AFF3: variants seen among roughly 807,000 people sequenced by gnomAD.
The protein encoded by AFF3 is ALF transcription elongation factor 3.
In AFF3, 32 loss-of-function variants were observed where a neutral mutation model predicts 129.7. The ratio of observed to expected loss-of-function variants is 0.25; its 90% CI spans 0.19 to 0.33. The LOEUF is 0.33. AFF3 is among the 10% of genes least tolerant of loss of function. AFF3 has a pLI of 1.00. For synonymous variants in AFF3, 644 were observed against 635.4 expected, an observed-to-expected ratio of 1.01 and a Z score of -0.20; for missense variants, 1,373 against 1,592.0, an observed-to-expected ratio of 0.86 and a Z score of 2.34.
chr2:100,007,550 AG>A, intron 5 of AFF3, 90 bp from the exon 6 acceptor site: 1 of 1,227,990 alleles, frequency 8.1e-7, no homozygotes, highest in Non-Finnish European at 1.1e-6. Context: ...TCACAGAGCC[AG>A]GGTTGTCACA....
At chr2:99,986,011 T>A (rs1679826370) in intron 7 of AFF3, among the ~76,000 whole-genome samples, 1 of 151,836 alleles carries the variant, frequency 6.6e-6, no homozygotes, top group African/African-American at 2.4e-5. Flanking sequence ...CCATCCTGGC[T>A]AACATGGTGA....
intron 9 of AFF3, among the ~76,000 whole-genome samples, chr2:99,746,230 T>C (rs531701629): frequency 1.1e-4 from 17 of 151,914 alleles, no homozygotes; most frequent in Non-Finnish European, 2.4e-4. Context: ...CCTTTAAAAT[T>C]TTGGCACATG....
chr2:99,696,030 T>C (rs1372427521), intron 11 of AFF3, among the ~76,000 whole-genome samples: 1 of 146,710 alleles, frequency 6.8e-6, no homozygotes, highest in Admixed American at 6.8e-5. Context: ...GCTCTTTAAC[T>C]GAACATTAGT....
chr2:99,625,540 A>T (rs574985986), intron 13 of AFF3, among the ~76,000 whole-genome samples: 1 of 152,316 alleles, frequency 6.6e-6, no homozygotes, highest in African/African-American at 2.4e-5. Context: ...AAACAGCATC[A>T]ACATTAAACC....
At chr2:99,810,231 T>C (rs1686682474) in intron 8 of AFF3, among the ~76,000 whole-genome samples, 1 of 152,212 alleles carries the variant, frequency 6.6e-6, no homozygotes, top group African/African-American at 2.4e-5. Context: ...GCTGTGGTTA[T>C]GGAAAGGGCA....
At chr2:99,679,449 G>A (rs1273398584) in intron 11 of AFF3, among the ~76,000 whole-genome samples, 3 of 152,048 alleles carry the variant, frequency 2.0e-5, no homozygotes, top group Non-Finnish European at 4.4e-5. Flanking sequence ...CCTGGGGGAC[G>A]GCATCTCATC....
At chr2:99,829,915 T>C (rs1688385981) in intron 8 of AFF3, among the ~76,000 whole-genome samples, 1 of 152,094 alleles carries the variant, frequency 6.6e-6, no homozygotes, top group Non-Finnish European at 1.5e-5. Context: ...ATAAAGAAAA[T>C]GTGGCATATA....
chr2:99,659,141 C>T (rs1039269725), intron 12 of AFF3, among the ~76,000 whole-genome samples: 1 of 152,326 alleles, frequency 6.6e-6, no homozygotes, highest in African/African-American at 2.4e-5. Context: ...GAGCGAACAT[C>T]GCTGAAGATT....
At chr2:100,086,204 T>A (rs1689415710) in intron 4 of AFF3, among the ~76,000 whole-genome samples, 1 of 152,198 alleles carries the variant, frequency 6.6e-6, no homozygotes, top group Admixed American at 6.5e-5. Context: ...AGAATTATGA[T>A]GCATACTGCC....
intron 10 of AFF3, among the ~76,000 whole-genome samples, chr2:99,728,766 A>T (rs1279861521): frequency 6.6e-6 from 1 of 152,234 alleles, no homozygotes; most frequent in Admixed American, 6.5e-5. Flanking sequence ...GCCTCAATAC[A>T]TATAAAACCA....
chr2:100,068,439 T>C (rs1016274169), intron 4 of AFF3, among the ~76,000 whole-genome samples: 2 of 152,180 alleles, frequency 1.3e-5, no homozygotes, highest in Non-Finnish European at 2.9e-5. Flanking sequence ...GGGATTTCTT[T>C]TTCAAGAGGG....
chr2:99,577,911 C>T (rs564965726), intron 18 of AFF3, among the ~76,000 whole-genome samples: 10 of 152,238 alleles, frequency 6.6e-5, no homozygotes, highest in African/African-American at 2.4e-4. Flanking sequence ...AAGAATATAG[C>T]AGTTGGAGGA....
chr2:100,007,358 C>G lies in AFF3; in HGVS notation c.277G>C (p.Val93Leu), dbSNP rs753942953. ...GGAACCCCAGGTTTGGGAACTCCAA[C>G]GAGATGACTCTGATTGGATCTATCA... ...LTDRSNQSHL[V>L]GVPKPGVPQT... The change falls in exon 6 of 25, where the codon GTT (valine) becomes CTT (leucine). Residue 93 changes from valine to leucine, a missense_variant. Transcript: ENST00000672756. 6.2e-7 allele frequency: 1 copy of G among 1,614,054 alleles called. No individual in the cohort carries two copies. Among genetic ancestry groups the G allele is most frequent in the South Asian group, 1.1e-5 (1 of 91,072 alleles).
chr2:99,598,605 C>T (rs1330156707), intron 14 of AFF3, among the ~76,000 whole-genome samples: 4 of 152,348 alleles, frequency 2.6e-5, no homozygotes, highest in South Asian at 2.1e-4. Context: ...GAATACAGGG[C>T]GCCTCCTACG....
chr2:99,826,791 C>G (rs762761818), intron 8 of AFF3, among the ~76,000 whole-genome samples: 6 of 152,116 alleles, frequency 3.9e-5, no homozygotes, highest in Non-Finnish European at 7.4e-5. Flanking sequence ...CAGGGGAGAG[C>G]CACGAACAGG....
At chr2:99,902,794 G>A (rs1424310194) in intron 7 of AFF3, among the ~76,000 whole-genome samples, 1 of 152,116 alleles carries the variant, frequency 6.6e-6, no homozygotes, top group Non-Finnish European at 1.5e-5. Context: ...ATTACACACT[G>A]CCAACATCCT....
intron 8 of AFF3, among the ~76,000 whole-genome samples, chr2:99,777,947 C>CAAAAAAAAAAAAAAAAAAAAAAAAAA (rs576434643): frequency 2.1e-5 from 1 of 48,340 alleles, no homozygotes. Context: ...AAAGCAAAAG[C>CAAAAAAAAAAAAAAAAAAAAAAAAAA]AAAAAAAAAA....
chr2:100,080,134 T>C (rs1368636939), intron 4 of AFF3, among the ~76,000 whole-genome samples: 1 of 152,192 alleles, frequency 6.6e-6, no homozygotes, highest in African/African-American at 2.4e-5. Context: ...GAACACCTGC[T>C]TTGCTGCAAA....
At chr2:100,083,889 C>G (rs2105369123) in intron 4 of AFF3, among the ~76,000 whole-genome samples, 1 of 152,160 alleles carries the variant, frequency 6.6e-6, no homozygotes, top group South Asian at 2.1e-4. Flanking sequence ...AGCCACTGAA[C>G]AAAGTGCTGC....
Sources: allele counts gnomAD v4.1 joint callset (sites outside exome capture counted in the v4.1 genomes callset), GRCh38; gene constraint gnomAD v4.1.1; transcripts MANE v1.5; gene names NCBI Gene and HGNC (gene_info 2026-07-23, HGNC 2026-07-21).